IWS1: variants seen among roughly 807,000 people sequenced by gnomAD.
IWS1 encodes the protein protein IWS1 homolog.
Under a neutral mutation model 86.7 loss-of-function variants are expected in IWS1, and 27 were observed. The ratio of observed to expected loss-of-function variants is 0.31; its 90% CI spans 0.23 to 0.43. The LOEUF is 0.43. Ranked by LOEUF, IWS1 falls within the 20% of genes least tolerant of loss-of-function variation. IWS1 has a pLI of 1.00. For synonymous variants in IWS1, 313 were observed against 335.1 expected (o/e 0.93, Z 0.72); for missense variants, 827 against 1,000.8 (o/e 0.83, Z 2.34).
chr2:127,505,808 T>A lies in IWS1; in HGVS notation c.151-56A>T, dbSNP rs188959673. ...AGTGCAAAAAAAAAAAAACCATTAA[T>A]AATAAAACATTAAATTTTTTCTGTG... On this transcript the variant is annotated intron_variant, in intron 2 of 13. Transcript: ENST00000295321. The surrounding 1 kb of genome is among the most constrained non-coding windows in gnomAD (Gnocchi z 5.0). The A allele has an allele frequency of 8.3e-4, 924 of 1,116,328 alleles. 4 individuals are homozygous for A. The African/African-American group carries it at 0.013, about 16-fold the overall frequency. 69.2% of individuals were successfully genotyped at this position (1,116,328 alleles called of 1,614,324 possible).
At chr2:127,493,654 A>G (rs530646554) in intron 8 of IWS1, among the ~76,000 whole-genome samples, 17 of 152,272 alleles carry the variant, frequency 1.1e-4, no homozygotes, top group African/African-American at 4.1e-4. Context: ...GTTACACAAG[A>G]TAAATTAATG....
At chr2:127,521,954 A>G (rs1360186379) in intron 2 of IWS1, among the ~76,000 whole-genome samples, 2 of 152,216 alleles carry the variant, frequency 1.3e-5, no homozygotes, top group Non-Finnish European at 2.9e-5. Flanking sequence ...CTGTTTCCAA[A>G]GAGGAAACTT....
At chr2:127,500,014 T>C (rs1015465828) in intron 5 of IWS1, among the ~76,000 whole-genome samples, 2 of 152,200 alleles carry the variant, frequency 1.3e-5, no homozygotes, top group South Asian at 4.1e-4. Flanking sequence ...ATCAAGCTTC[T>C]AGAAGATAAC....
intron 7 of IWS1, 123 bp downstream of exon 7, chr2:127,495,874 TA>T: frequency 1.2e-6 from 1 of 852,710 alleles, no homozygotes. Flanking sequence ...TTGAGAACAG[TA>T]AATGCTTTAT....
intron 10 of IWS1, among the ~76,000 whole-genome samples, chr2:127,491,645 G>A (rs1440368589): frequency 6.6e-6 from 1 of 151,936 alleles, no homozygotes; most frequent in African/African-American, 2.4e-5. Flanking sequence ...GGGTTTCATC[G>A]TGTTAGCTAG....
chr2:127,503,010 A>G (rs1481568081), intron 4 of IWS1, 138 bp from the exon 5 acceptor site: 3 of 597,038 alleles, frequency 5.0e-6, no homozygotes, highest in Non-Finnish European at 5.9e-6. Context: ...TAACAAATAT[A>G]TACACTCATG....
Position 127,520,419 on chromosome 2 carries a change from G to A in IWS1, c.150+3257C>T, listed in dbSNP as rs374589867. ...CTTGACCTCATGATCCACCCACCTCGGCCTCCCAAAGTGCTGGGATTACAG... is the reference window on the plus strand; with the variant it reads ...CTTGACCTCATGATCCACCCACCTCAGCCTCCCAAAGTGCTGGGATTACAG... On this transcript the variant is annotated intron_variant, in intron 2 of 13. Transcript: ENST00000295321. Among the ~76,000 whole-genome samples the A allele has an allele frequency of 1.3e-4, 20 of 152,106 alleles. No individual in the cohort carries two copies. The South Asian group carries it at 3.5e-3, about 27-fold the overall frequency.
chr2:127,501,591 G>A (rs1212538927), intron 5 of IWS1, among the ~76,000 whole-genome samples: 1 of 151,876 alleles, frequency 6.6e-6, no homozygotes, highest in Non-Finnish European at 1.5e-5. Flanking sequence ...CCTTTCTTCT[G>A]TAATACTGTA....
In IWS1 at chr2:127,526,406, C is replaced by G. The variant is rs542520857; in HGVS notation, c.-198G>C. 2 of 1,536,274 alleles carry G rather than the reference C, an allele frequency of 1.3e-6. No individual in the cohort carries two copies. Among genetic ancestry groups the G allele is most frequent in the South Asian group, 2.4e-5 (2 of 83,218 alleles). ...ACCTGGAAGCCCCGGCGGAAAAGGC[C>G]GTACCCGGCAGGCTGGCGGGCGGGC... On this transcript the variant is annotated 5_prime_UTR_variant, in exon 1 of 14. Transcript: ENST00000295321.
chr2:127,493,454 T>C, intron 8 of IWS1, 44 bp from the exon 9 acceptor site: 3 of 1,542,044 alleles, frequency 1.9e-6, no homozygotes, highest in Non-Finnish European at 1.7e-6. Flanking sequence ...ACCTTGGTTC[T>C]ACTGTATCTT....
intron 13 of IWS1, among the ~76,000 whole-genome samples, chr2:127,483,627 TGTGC>T (rs1301737139): frequency 1.3e-3 from 63 of 46,896 alleles, no homozygotes; most frequent in East Asian, 7.4e-3. Context: ...TGTGTGTGCG[TGTGC>T]GTGTGTGTGT....
At position 127,489,671 on chromosome 2, in the gene IWS1, T is replaced by C; in HGVS notation, c.2159+161A>G. The stretch of plus-strand genomic sequence containing the variant: ...GGAGGACAGGACCCTCACTATACAC[T>C]ATCACATTTAAACTAAAAGGATATT... On this transcript the variant is annotated intron_variant, in intron 11 of 13. Transcript: ENST00000295321. This position sits in a 1 kb window ranked among gnomAD's most constrained non-coding sequence, Gnocchi z 4.8. 1 of 624,008 alleles carries C rather than the reference T, an allele frequency of 1.6e-6. No individual in the cohort carries two copies. The highest frequency in any genetic ancestry group is 2.9e-6 in the Non-Finnish European group (1 of 348,434). The allele number at this position is 624,008 out of a possible 1,614,324, so 38.7% of individuals were successfully genotyped here.
At chr2:127,496,279 A>G (rs1243286973) in intron 6 of IWS1, 131 bp from the exon 7 acceptor site, 3 of 998,702 alleles carry the variant, frequency 3.0e-6, no homozygotes, top group Non-Finnish European at 4.4e-6. Context: ...AAAAGTGCAA[A>G]TACAGTCATG....
chr2:127,487,763 G>A (rs1690003479), intron 12 of IWS1, among the ~76,000 whole-genome samples: 1 of 152,134 alleles, frequency 6.6e-6, no homozygotes, highest in Admixed American at 6.5e-5. Flanking sequence ...TGTTAGCCAG[G>A]ATGGTCTCAA....
chr2:127,491,620 T>G (rs1270317237), intron 10 of IWS1, among the ~76,000 whole-genome samples: 1 of 152,142 alleles, frequency 6.6e-6, no homozygotes, highest in African/African-American at 2.4e-5. Flanking sequence ...ATTTTTTGTA[T>G]TTTTAGTAGA....
intron 13 of IWS1, among the ~76,000 whole-genome samples, chr2:127,484,980 G>C (rs1247765869): frequency 6.7e-6 from 1 of 149,542 alleles, no homozygotes; most frequent in Non-Finnish European, 1.5e-5. Context: ...CTGGGCGACA[G>C]AGCAAGACTC....
chr2:127,511,324 T>C (rs1558763692), intron 2 of IWS1: 2 of 152,340 alleles, frequency 1.3e-5, no homozygotes, highest in East Asian at 3.8e-4. Context: ...ATGTCCTTGA[T>C]CTGATGGAAT....
chr2:127,493,554 G>A, intron 8 of IWS1, 144 bp from the exon 9 acceptor site: 1 of 672,178 alleles, frequency 1.5e-6, no homozygotes, highest in Non-Finnish European at 2.4e-6. Flanking sequence ...ACACCATTCT[G>A]GTTTCGAAAG....
chr2:127,520,262 G>A (rs565664741), intron 2 of IWS1, among the ~76,000 whole-genome samples: 3 of 152,106 alleles, frequency 2.0e-5, no homozygotes, highest in East Asian at 1.9e-4. Flanking sequence ...TCCACCTCCC[G>A]GGTTCAAGAG....
Sources: allele counts gnomAD v4.1 joint callset (sites outside exome capture counted in the v4.1 genomes callset), GRCh38; gene constraint gnomAD v4.1.1; non-coding constraint Gnocchi (gnomAD v3.1); transcripts MANE v1.5; gene names NCBI Gene and HGNC (gene_info 2026-07-23, HGNC 2026-07-21).